The following PPP1R15B variants were observed in gnomAD, a reference collection of about 807,000 sequenced individuals.
PPP1R15B encodes protein phosphatase 1, regulatory (inhibitor) subunit 15B.
PPP1R15B carries 31 observed loss-of-function variants against 53.9 expected under a neutral mutation model. The observed-to-expected ratio is 0.58, with a 90% CI of 0.43 to 0.78. PPP1R15B has a LOEUF of 0.78. Ranked by LOEUF, PPP1R15B falls within the 30% of genes least tolerant of loss-of-function variation. The probability of loss-of-function intolerance (pLI) is 0.00; values close to 1 mark genes in which losing one functional copy is unlikely to be tolerated. For synonymous variants in PPP1R15B, 345 were observed against 329.1 expected (o/e 1.05, Z -0.52); for missense variants, 928 against 849.6 (o/e 1.09, Z -1.15).
chr1:204,404,204 A>T lies in PPP1R15B; in HGVS notation c.*1888T>A. The T allele has an allele frequency of 1.0e-6, 1 of 985,346 alleles. No individual in the cohort carries two copies. Among genetic ancestry groups the T allele is most frequent in the Non-Finnish European group, 1.2e-6 (1 of 829,904 alleles). 61.0% of individuals were successfully genotyped at this position (985,346 alleles called of 1,614,324 possible). A position where few individuals can be genotyped will look rare whatever the true frequency, so the allele number is the denominator to read the frequency against. The stretch of plus-strand genomic sequence containing the variant: ...AAATGTGCTCCCTATGATTACCTAA[A>T]GTGGAGGTGCACAAAACACACAGAA... On this transcript the variant is annotated 3_prime_UTR_variant, in exon 2 of 2. Transcript: ENST00000367188.
At chr1:204,403,132 G>T (rs1306296177), downstream of PPP1R15B, among the ~76,000 whole-genome samples, 2 of 152,102 alleles carry the variant, frequency 1.3e-5, no homozygotes, top group African/African-American at 4.8e-5. Flanking sequence ...ACTAGGCTAA[G>T]CCCAGCATCT....
Position 204,410,559 on chromosome 1 carries a change from G to A in PPP1R15B, c.853C>T (p.Leu285Phe), listed in dbSNP as rs757965874. ...ATTTCTGGTAGGCCTTCCGTAGAAA[G>A]AGGTGGACATCCCTGCCACGAGGCC... is the stretch of plus-strand genomic sequence containing the variant. The part of the protein sequence containing the change: ...IPASWQGCPP[L>F]STEGLPEIHH... The change falls in exon 1 of 2, where the codon CTT becomes TTT. Residue 285 changes from leucine to phenylalanine, a missense_variant. Transcript: ENST00000367188. 6.2e-7 allele frequency: 1 copy of A among 1,614,122 alleles called. No homozygotes were observed. Among genetic ancestry groups the A allele is most frequent in the Non-Finnish European group, 8.5e-7 (1 of 1,179,992 alleles).
At chr1:204,400,920 C>T, downstream of PPP1R15B, 1 of 174,400 alleles carries the variant, frequency 5.7e-6, no homozygotes, top group Non-Finnish European at 1.1e-5. Context: ...TCCAAAGCTG[C>T]TTCCCTTGTT....
chr1:204,411,597 G>T lies in PPP1R15B; in HGVS notation c.-186C>A. The T allele has an allele frequency of 1.4e-6, 1 of 729,902 alleles. No homozygotes were observed. Among genetic ancestry groups the T allele is most frequent in the Non-Finnish European group, 2.2e-6 (1 of 451,826 alleles). The allele number at this position is 729,902 out of a possible 1,614,324, so 45.2% of individuals were successfully genotyped here. ...ATGCGGCAGCGGGCGGCAGAACACA[G>T]GGAAGAACAGCCCGCGCAATAGGCG... is the stretch of plus-strand genomic sequence containing the variant. On this transcript the variant is annotated 5_prime_UTR_variant, in exon 1 of 2. In the 5' UTR this introduces an upstream ATG that the reference lacks. Coordinates refer to ENST00000367188, the MANE Select transcript of PPP1R15B (RefSeq NM_032833.5).
intron 1 of PPP1R15B, 26 bp from the exon 2 acceptor site, chr1:204,406,339 T>C (rs1674264051): frequency 6.2e-7 from 1 of 1,611,608 alleles, no homozygotes; most frequent in Non-Finnish European, 8.5e-7. Context: ...CTAATTTTAA[T>C]AACTGTCTAG....
chr1:204,399,077 G>A (rs1028060410), downstream of PPP1R15B, among the ~76,000 whole-genome samples: 1 of 152,180 alleles, frequency 6.6e-6, no homozygotes, highest in Non-Finnish European at 1.5e-5. Flanking sequence ...TTTCTGGTCA[G>A]ACAAGGCTGT....
rs144092424 is a variant in PPP1R15B at position 204,409,771 on chromosome 1, T to C, written c.1641A>G (p.Ala547=). ...SGEEDDWESS[A]DEAESLKLWN... is the part of the protein sequence containing the mutation. ...ACAGTTTGAGACTCTCTGCTTCATC[T>C]GCACTAGATTCCCAGTCATCTTCCT... The change falls in exon 1 of 2, where the codon GCA becomes GCG. Residue 547 remains alanine, a synonymous_variant. Transcript: ENST00000367188. The C allele has an allele frequency of 2.5e-6, 4 of 1,614,082 alleles. No individual in the cohort carries two copies. In the African/African-American group the frequency reaches 5.3e-5, roughly 22 times the overall value.
At chr1:204,407,799 G>A (rs535490091) in intron 1 of PPP1R15B, among the ~76,000 whole-genome samples, 1 of 152,132 alleles carries the variant, frequency 6.6e-6, no homozygotes, top group Non-Finnish European at 1.5e-5. Context: ...AGAGGTAGAA[G>A]GGTTTTTTAG....
At chr1:204,400,780 TG>T, downstream of PPP1R15B, 1 of 951,876 alleles carries the variant, frequency 1.1e-6, no homozygotes, top group Non-Finnish European at 1.3e-6. Context: ...TCCTTCTTCT[TG>T]GTAGGGATCT....
At chr1:204,409,467 G>C (rs538039410) in intron 1 of PPP1R15B, 25 bp downstream of exon 1, 37 of 1,587,094 alleles carry the variant, frequency 2.3e-5, no homozygotes, top group Non-Finnish European at 3.1e-5. Context: ...AACATATCAG[G>C]CATGTTAAAA....
chr1:204,399,019 C>G (rs1210053347), downstream of PPP1R15B, among the ~76,000 whole-genome samples: 1 of 152,206 alleles, frequency 6.6e-6, no homozygotes, highest in Non-Finnish European at 1.5e-5. Flanking sequence ...TCTCTAAGGA[C>G]ATTTAAATTC....
chr1:204,402,631 A>G (rs573410963), downstream of PPP1R15B, among the ~76,000 whole-genome samples: 8 of 151,940 alleles, frequency 5.3e-5, no homozygotes, highest in African/African-American at 1.9e-4. Flanking sequence ...TATGTTGCTC[A>G]GGCTGGTCTT....
In PPP1R15B at chr1:204,404,197, T is replaced by A; in HGVS notation, c.*1895A>T. 3.0e-6 allele frequency: 3 copies of A among 985,378 alleles called. No individual in the cohort carries two copies. Among genetic ancestry groups the A allele is most frequent in the Non-Finnish European group, 3.6e-6 (3 of 829,920 alleles). The allele number at this position is 985,378 out of a possible 1,614,324, so 61.0% of individuals were successfully genotyped here. On this transcript the variant is annotated 3_prime_UTR_variant, in exon 2 of 2. Coordinates refer to ENST00000367188, the MANE Select transcript of PPP1R15B (RefSeq NM_032833.5). Reference sequence around the variant, plus strand: ...ATCCTGTAAATGTGCTCCCTATGATTACCTAAAGTGGAGGTGCACAAAACA... The same window carrying A: ...ATCCTGTAAATGTGCTCCCTATGATAACCTAAAGTGGAGGTGCACAAAACA...
At chr1:204,400,179 G>A (rs185237703), downstream of PPP1R15B, among the ~76,000 whole-genome samples, 262 of 150,014 alleles carry the variant, frequency 1.7e-3, no homozygotes, top group African/African-American at 6.1e-3. Flanking sequence ...CGAGGCTGCA[G>A]TGAGCTGTGA....
chr1:204,410,548 T>C lies in PPP1R15B; in HGVS notation c.864A>G (p.Glu288=), dbSNP rs765829903. Residue 288 remains glutamate (E), a synonymous_variant, in exon 1 of 2, where the codon GAA becomes GAG. Transcript: ENST00000367188. ...GAAGATGGTGAATTTCTGGTAGGCCTTCCGTAGAAAGAGGTGGACATCCCT... is the reference window on the plus strand; with the variant it reads ...GAAGATGGTGAATTTCTGGTAGGCCCTCCGTAGAAAGAGGTGGACATCCCT... ...SWQGCPPLST[E]GLPEIHHLRM... 1 of 1,614,144 alleles carries C rather than the reference T, an allele frequency of 6.2e-7. No homozygotes were observed. Among genetic ancestry groups the C allele is most frequent in the Admixed American group, 1.7e-5 (1 of 60,016 alleles).
In PPP1R15B at chr1:204,406,155, T is replaced by C. The variant is rs541183793; in HGVS notation, c.2079A>G (p.Glu693=). The stretch of plus-strand genomic sequence containing the variant: ...TTCCCTGGAGTCTATTAAACATTCT[T>C]TCTCTGTGTTCAAATGTCAAGCAAT... The part of the protein sequence containing the change: ...IGYCLTFEHR[E]RMFNRLQGTC... Residue 693 remains glutamate, a synonymous_variant, in exon 2 of 2, where the codon GAA becomes GAG. Transcript: ENST00000367188. 9.3e-6 allele frequency: 15 copies of C among 1,614,156 alleles called. No individual in the cohort carries two copies. The highest frequency in any genetic ancestry group is 8.5e-7 in the Non-Finnish European group (1 of 1,180,012).
downstream of PPP1R15B, among the ~76,000 whole-genome samples, chr1:204,402,303 G>A (rs1674190858): frequency 6.6e-6 from 1 of 152,006 alleles, no homozygotes; most frequent in South Asian, 2.1e-4. Flanking sequence ...CATTAATAGG[G>A]TTGCCATAAC....
downstream of PPP1R15B, among the ~76,000 whole-genome samples, chr1:204,402,933 A>G (rs1674201672): frequency 6.6e-6 from 1 of 152,044 alleles, no homozygotes; most frequent in South Asian, 2.1e-4. Context: ...TTAGCCGGGC[A>G]TGGTGGCAGG....
chr1:204,401,790 G>A (rs1439042597), downstream of PPP1R15B, among the ~76,000 whole-genome samples: 1 of 152,068 alleles, frequency 6.6e-6, no homozygotes, highest in Non-Finnish European at 1.5e-5. Flanking sequence ...GTGCGGTGGT[G>A]TGCACCTGGA....
Sources: allele counts gnomAD v4.1 joint callset (sites outside exome capture counted in the v4.1 genomes callset), GRCh38; gene constraint gnomAD v4.1.1; transcripts MANE v1.5; gene names NCBI Gene and HGNC (gene_info 2026-07-23, HGNC 2026-07-21).